GTSE1: variants seen among roughly 807,000 people sequenced by gnomAD.
GTSE1 encodes the protein G2 and S-phase expressed 1, also known as G2 and S phase-expressed protein 1.
In GTSE1, 52 loss-of-function variants were observed where a neutral mutation model predicts 60.5. That is an observed-to-expected ratio of 0.86 (90% CI 0.69 to 1.08). The LOEUF is 1.08. GTSE1 is among the 50% of genes least tolerant of loss of function. GTSE1 has a pLI of 0.00. For missense variants in GTSE1, 937 were observed against 961.8 expected, an observed-to-expected ratio of 0.97 and a Z score of 0.34; for synonymous variants, 368 against 386.5, an observed-to-expected ratio of 0.95 and a Z score of 0.56.
chr22:46,298,968 T>C (rs2077673827), intron 2 of GTSE1, among the ~76,000 whole-genome samples: 1 of 152,254 alleles, frequency 6.6e-6, no homozygotes, highest in African/African-American at 2.4e-5. Flanking sequence ...TCTCACTTGT[T>C]ATGCCATTTT....
At chr22:46,326,356 T>G in intron 8 of GTSE1, 80 bp from the exon 9 acceptor site, 1 of 1,203,314 alleles carries the variant, frequency 8.3e-7, no homozygotes. Context: ...CCCTCAGCAC[T>G]GCATTAGCAC....
At chr22:46,311,226 C>T (rs1037310042) in intron 4 of GTSE1, among the ~76,000 whole-genome samples, 13 of 151,828 alleles carry the variant, frequency 8.6e-5, no homozygotes, top group African/African-American at 2.7e-4. Context: ...TACAGGCGCC[C>T]GCCACCACGC....
At chr22:46,303,757 T>C (rs2077702038) in intron 2 of GTSE1, among the ~76,000 whole-genome samples, 1 of 152,242 alleles carries the variant, frequency 6.6e-6, no homozygotes, top group South Asian at 2.1e-4. Flanking sequence ...CCCTGTTCAC[T>C]TGAAATTCAG....
Position 46,319,022 on chromosome 22 carries a change from C to T in GTSE1, c.1432+2610C>T, listed in dbSNP as rs1180671793. 2.6e-5 allele frequency among the ~76,000 whole-genome samples: 4 copies of T among 152,314 alleles called. No homozygotes were observed. Among genetic ancestry groups the T allele is most frequent in the Admixed American group, 6.5e-5 (1 of 15,302 alleles). The stretch of plus-strand genomic sequence containing the variant: ...TCCGTTTGTGTCCCATTGAGTACGA[C>T]GCTTCCCTGCACAGGATGCTAGGAC... On this transcript the variant is annotated intron_variant, in intron 7 of 11. Transcript: ENST00000454366. The surrounding 1 kb of genome is among the most constrained non-coding windows in gnomAD (Gnocchi z 5.0).
In GTSE1 at chr22:46,308,493, A is replaced by C; in HGVS notation, c.312A>C (p.Glu104Asp). ...AGEKFVEVYK[E>D]AHLLALHIES... Reference sequence around the variant, plus strand: ...AGAAGTTCGTGGAGGTGTACAAAGAAGCTCACTTACTGGCTTTACACATTG... The same window carrying C: ...AGAAGTTCGTGGAGGTGTACAAAGACGCTCACTTACTGGCTTTACACATTG... The change falls in exon 4 of 12, where the codon GAA (glutamate) becomes GAC (aspartate). Residue 104 changes from glutamate (E) to aspartate (D), a missense_variant. Glu to Asp is a conservative substitution (Grantham distance 45, BLOSUM62 2). Coordinates refer to ENST00000454366, the MANE Select transcript of GTSE1 (RefSeq NM_016426.7). 6.2e-7 allele frequency: 1 copy of C among 1,614,210 alleles called. No individual in the cohort carries two copies. The highest frequency in any genetic ancestry group is 8.5e-7 in the Non-Finnish European group (1 of 1,180,038).
In GTSE1 at chr22:46,319,178, C is replaced by T. The variant is rs1048017960; in HGVS notation, c.1432+2766C>T. ...GTAAGAAGAGATGAAGATGGAGGGG[C>T]AGCCCGAGGCCGGCTCCCAGAGCGC... On this transcript the variant is annotated intron_variant, in intron 7 of 11. Coordinates refer to ENST00000454366, the MANE Select transcript of GTSE1 (RefSeq NM_016426.7). The surrounding 1 kb of genome is among the most constrained non-coding windows in gnomAD (Gnocchi z 5.0). Among the ~76,000 whole-genome samples, 1 of 152,212 alleles carries T rather than the reference C, an allele frequency of 6.6e-6. No homozygotes were observed. The highest frequency in any genetic ancestry group is 6.5e-5 in the Admixed American group (1 of 15,280).
intron 2 of GTSE1, among the ~76,000 whole-genome samples, chr22:46,302,783 C>T (rs9627397): frequency 0.036 from 5,520 of 151,922 alleles, 338 homozygotes; most frequent in African/African-American, 0.13. Flanking sequence ...CCATTAAGTC[C>T]TTGATTTGTT....
rs551414840 is a variant in GTSE1, at chr22:46,309,575, C to T, written c.762+632C>T. Reference sequence around the variant, plus strand: ...GCTCTGCCCCCTCCCCTGGGCAGCACGTACAGAGGAATGACCCTGGGTGGG... The same window carrying T: ...GCTCTGCCCCCTCCCCTGGGCAGCATGTACAGAGGAATGACCCTGGGTGGG... On this transcript the variant is annotated intron_variant, in intron 4 of 11. Transcript: ENST00000454366. This position sits in a 1 kb window ranked among gnomAD's most constrained non-coding sequence, Gnocchi z 6.2. 6.6e-6 allele frequency among the ~76,000 whole-genome samples: 1 copy of T among 152,120 alleles called. No individual in the cohort carries two copies. Among genetic ancestry groups the T allele is most frequent in the East Asian group, 1.9e-4 (1 of 5,190 alleles).
intron 2 of GTSE1, among the ~76,000 whole-genome samples, chr22:46,303,003 C>T (rs2077697829): frequency 1.3e-5 from 2 of 151,280 alleles, no homozygotes; most frequent in South Asian, 4.2e-4. Flanking sequence ...AGGTTCATGC[C>T]ATTCTTCTGC....
intron 2 of GTSE1, among the ~76,000 whole-genome samples, chr22:46,298,472 T>G (rs1325618849): frequency 2.6e-5 from 4 of 151,978 alleles, no homozygotes; most frequent in Non-Finnish European, 5.9e-5. Flanking sequence ...CACACCTGGC[T>G]GATTTTTGTA....
rs536957735 is a variant in GTSE1 at position 46,318,326 on chromosome 22, C to T, written c.1432+1914C>T. Among the ~76,000 whole-genome samples the T allele has an allele frequency of 1.3e-5, 2 of 152,158 alleles. No homozygotes were observed. The highest frequency in any genetic ancestry group is 2.9e-5 in the Non-Finnish European group (2 of 68,040). On this transcript the variant is annotated intron_variant, in intron 7 of 11. Coordinates refer to ENST00000454366, the MANE Select transcript of GTSE1 (RefSeq NM_016426.7). The surrounding 1 kb of genome is among the most constrained non-coding windows in gnomAD (Gnocchi z 4.8). Reference sequence around the variant, plus strand: ...GGCCAGCACAGGCAGCCTGCAACTCCCAGAAACTGCATTCTGAGTCCTGCT... The same window carrying T: ...GGCCAGCACAGGCAGCCTGCAACTCTCAGAAACTGCATTCTGAGTCCTGCT...
Position 46,321,119 on chromosome 22 carries a change from T to C in GTSE1, c.1433-2071T>C, listed in dbSNP as rs779604525. ...GTCTCACAGAGACCTCTGTGAATGG[T>C]GCGGGGTCAGTGACCCAAGAATGTT... On this transcript the variant is annotated intron_variant, in intron 7 of 11. Transcript: ENST00000454366. The surrounding 1 kb of genome is among the most constrained non-coding windows in gnomAD (Gnocchi z 4.0). Among the ~76,000 whole-genome samples, 5 of 152,000 alleles carry C rather than the reference T, an allele frequency of 3.3e-5. No individual in the cohort carries two copies. Among genetic ancestry groups the C allele is most frequent in the Non-Finnish European group, 7.4e-5 (5 of 67,996 alleles).
chr22:46,327,831 ACT>A (rs1287858508), intron 9 of GTSE1, among the ~76,000 whole-genome samples: 1 of 152,188 alleles, frequency 6.6e-6, no homozygotes, highest in Non-Finnish European at 1.5e-5. Flanking sequence ...AATGCAGAAG[ACT>A]CTGGAAGAAA....
chr22:46,321,576 C>T lies in GTSE1; in HGVS notation c.1433-1614C>T, dbSNP rs1261376238. 1.3e-5 allele frequency among the ~76,000 whole-genome samples: 2 copies of T among 152,184 alleles called. No individual in the cohort carries two copies. The highest frequency in any genetic ancestry group is 4.8e-5 in the African/African-American group (2 of 41,452). On this transcript the variant is annotated intron_variant, in intron 7 of 11. Transcript: ENST00000454366. The surrounding 1 kb of genome is among the most constrained non-coding windows in gnomAD (Gnocchi z 4.0). ...GGAGGTGTGAGGGGCAGATTCTTAA[C>T]TCTTGTAACAAACGGAGTTTCTGAA...
chr22:46,329,566 A>C lies in GTSE1; in HGVS notation c.2135A>C (p.Gln712Pro). ...GCCAAACCTTCACCGGTGGTGGGACAGGTGAGAAGTGGCAGGTGGTTCATG... is the reference window on the plus strand; with the variant it reads ...GCCAAACCTTCACCGGTGGTGGGACCGGTGAGAAGTGGCAGGTGGTTCATG... ...NVAKPSPVVGQLIDLSSPLIQ... is the reference protein window; with the variant it reads ...NVAKPSPVVGPLIDLSSPLIQ... Residue 712 changes from glutamine (Q) to proline (P), a missense_variant and splice_region_variant, in exon 11 of 12, where the codon CAG becomes CCG. By Grantham distance (76) the Gln-to-Pro change is moderately conservative (BLOSUM62 -1). Coordinates refer to ENST00000454366, the MANE Select transcript of GTSE1 (RefSeq NM_016426.7). This position sits in a 1 kb window ranked among gnomAD's most constrained non-coding sequence, Gnocchi z 6.4. 3 of 1,611,824 alleles carry C rather than the reference A, an allele frequency of 1.9e-6. No individual in the cohort carries two copies. The highest frequency in any genetic ancestry group is 2.5e-6 in the Non-Finnish European group (3 of 1,177,852).
At chr22:46,299,859 C>T (rs1410148370) in intron 2 of GTSE1, among the ~76,000 whole-genome samples, 3 of 149,762 alleles carry the variant, frequency 2.0e-5, no homozygotes, top group African/African-American at 7.4e-5. Context: ...GTGGCGTGAT[C>T]TCGGCTTACT....
At position 46,316,199 on chromosome 22, in the gene GTSE1, G is replaced by T. The variant is rs751470763; in HGVS notation, c.1219G>T (p.Ala407Ser). The T allele has an allele frequency of 3.1e-6, 5 of 1,613,582 alleles. No individual in the cohort carries two copies. The Admixed American group carries it at 8.3e-5, about 27-fold the overall frequency. Residue 407 changes from alanine (A) to serine (S), a missense_variant, in exon 7 of 12, where the codon GCG becomes TCG. Coordinates refer to ENST00000454366, the MANE Select transcript of GTSE1 (RefSeq NM_016426.7). This position sits in a 1 kb window ranked among gnomAD's most constrained non-coding sequence, Gnocchi z 5.0. ...AKRVDVSELA[A>S]EQLTAPPSAS... ...GCGGGTCGATGTTTCTGAGCTGGCAGCGGAGCAGCTCACGGCACCCCCCTC... is the reference window on the plus strand; with the variant it reads ...GCGGGTCGATGTTTCTGAGCTGGCATCGGAGCAGCTCACGGCACCCCCCTC...
chr22:46,306,116 A>G (rs758426163), intron 2 of GTSE1, among the ~76,000 whole-genome samples: 10 of 152,060 alleles, frequency 6.6e-5, no homozygotes, highest in Admixed American at 2.0e-4. Flanking sequence ...TCAGGACCAA[A>G]TTAGGATATT....
At position 46,316,212 on chromosome 22, in the gene GTSE1, C is replaced by T. The variant is rs372072364; in HGVS notation, c.1232C>T (p.Thr411Met). Residue 411 changes from threonine (T) to methionine (M), a missense_variant, in exon 7 of 12, where the codon ACG becomes ATG. Transcript: ENST00000454366. The surrounding 1 kb of genome is among the most constrained non-coding windows in gnomAD (Gnocchi z 5.0). ...DVSELAAEQL[T>M]APPSASPTQP... ...TCTGAGCTGGCAGCGGAGCAGCTCA[C>T]GGCACCCCCCTCAGCATCCCCCACC... The T allele has an allele frequency of 3.9e-5, 63 of 1,613,484 alleles. No homozygotes were observed. The highest frequency in any genetic ancestry group is 2.0e-4 in the Admixed American group (12 of 59,998).
Sources: allele counts gnomAD v4.1 joint callset (sites outside exome capture counted in the v4.1 genomes callset), GRCh38; gene constraint gnomAD v4.1.1; non-coding constraint Gnocchi (gnomAD v3.1); transcripts MANE v1.5; gene names NCBI Gene and HGNC (gene_info 2026-07-23, HGNC 2026-07-21).